RHEB: variants seen among roughly 807,000 people sequenced by gnomAD.
RHEB encodes the protein GTP-binding protein Rheb.
In RHEB, 2 loss-of-function variants were observed where a neutral mutation model predicts 28.8. That is an observed-to-expected ratio of 0.07 (90% CI 0.03 to 0.22). The LOEUF is 0.22. RHEB is among the 10% of genes least tolerant of loss of function. The pLI is 1.00. For synonymous variants in RHEB, 69 were observed against 77.3 expected (o/e 0.89, Z 0.56); for missense variants, 76 against 219.9 (o/e 0.35, Z 4.14).
chr7:151,497,968 C>G lies in RHEB; in HGVS notation c.53-6954G>C, dbSNP rs141433585. On this transcript the variant is annotated intron_variant, in intron 1 of 7. Coordinates refer to ENST00000262187, the MANE Select transcript of RHEB (RefSeq NM_005614.4). Reference sequence around the variant, plus strand: ...CATATTGATTAGGCTCCCCTTTGCTCTCAGTGTTACAGGGAACTCTTGCTG... The same window carrying G: ...CATATTGATTAGGCTCCCCTTTGCTGTCAGTGTTACAGGGAACTCTTGCTG... 1.3e-5 allele frequency: 6 copies of G among 449,484 alleles called. No individual in the cohort carries two copies. In the East Asian group the frequency reaches 4.3e-4, roughly 32 times the overall value. 27.8% of individuals were successfully genotyped at this position (449,484 alleles called of 1,614,324 possible).
At chr7:151,510,425 A>T (rs1802961432) in intron 1 of RHEB, among the ~76,000 whole-genome samples, 1 of 152,188 alleles carries the variant, frequency 6.6e-6, no homozygotes, top group South Asian at 2.1e-4. Context: ...TTATCTGCAA[A>T]ATAGGTGTAA....
intron 1 of RHEB, among the ~76,000 whole-genome samples, chr7:151,501,597 T>G (rs754109114): frequency 1.3e-5 from 2 of 152,196 alleles, no homozygotes; most frequent in Non-Finnish European, 2.9e-5. Flanking sequence ...TCCTAAGTAT[T>G]TATGGAAGAC....
intron 1 of RHEB, among the ~76,000 whole-genome samples, chr7:151,495,831 T>C (rs1247305209): frequency 3.3e-5 from 5 of 152,174 alleles, no homozygotes; most frequent in Non-Finnish European, 7.4e-5. Context: ...TGTGTGCATA[T>C]AGTCTCAGTT....
At chr7:151,504,017 A>G (rs1201354276) in intron 1 of RHEB, among the ~76,000 whole-genome samples, 1 of 151,230 alleles carries the variant, frequency 6.6e-6, no homozygotes, top group Non-Finnish European at 1.5e-5. Context: ...GGGTGAGCTA[A>G]TAGGAGGCAA....
rs1802172179 is a variant in RHEB at position 151,472,106 on chromosome 7, T to A, written c.276-501A>T. 1 of 152,808 alleles carries A rather than the reference T, an allele frequency of 6.5e-6. No individual in the cohort carries two copies. The highest frequency in any genetic ancestry group is 2.4e-5 in the African/African-American group (1 of 41,464). The allele number at this position is 152,808 out of a possible 1,614,324, so 9.5% of individuals were successfully genotyped here. A position where few individuals can be genotyped will look rare whatever the true frequency, so the allele number is the denominator to read the frequency against. ...GGGAAGGGGATCTGAGATGTCATAA[T>A]GATCACTTGAAATCTGCCACAGCAG... is the stretch of plus-strand genomic sequence containing the variant. On this transcript the variant is annotated intron_variant, in intron 4 of 7. Transcript: ENST00000262187. This position sits in a 1 kb window ranked among gnomAD's most constrained non-coding sequence, Gnocchi z 5.2.
chr7:151,499,193 C>T (rs1802727391), intron 1 of RHEB, among the ~76,000 whole-genome samples: 1 of 152,138 alleles, frequency 6.6e-6, no homozygotes, highest in Non-Finnish European at 1.5e-5. Context: ...CCAGTCTCTA[C>T]TAAAAATACA....
intron 1 of RHEB, among the ~76,000 whole-genome samples, chr7:151,512,160 C>T (rs1394035332): frequency 6.6e-6 from 1 of 152,202 alleles, no homozygotes; most frequent in East Asian, 1.9e-4. Context: ...CTCACTTGCA[C>T]AATCATGTGC....
Position 151,472,984 on chromosome 7 carries a change from C to T in RHEB, c.276-1379G>A, listed in dbSNP as rs751987853. Among the ~76,000 whole-genome samples, 3 of 152,234 alleles carry T rather than the reference C, an allele frequency of 2.0e-5. No homozygotes were observed. The highest frequency in any genetic ancestry group is 6.5e-5 in the Admixed American group (1 of 15,278). On this transcript the variant is annotated intron_variant, in intron 4 of 7. Coordinates refer to ENST00000262187, the MANE Select transcript of RHEB (RefSeq NM_005614.4). The surrounding 1 kb of genome is among the most constrained non-coding windows in gnomAD (Gnocchi z 5.2). Reference sequence around the variant, plus strand: ...AAGTGTCGCCACTTGGGCAAAAATACAGTACCCTGTCACGTGAGAAACAGC... The same window carrying T: ...AAGTGTCGCCACTTGGGCAAAAATATAGTACCCTGTCACGTGAGAAACAGC...
chr7:151,485,374 C>A (rs1391158527), intron 2 of RHEB, among the ~76,000 whole-genome samples: 2 of 152,142 alleles, frequency 1.3e-5, no homozygotes, highest in Non-Finnish European at 1.5e-5. Flanking sequence ...TTTTCCCTGA[C>A]AAGGGAGGAA....
At chr7:151,495,523 C>T (rs1488572460) in intron 1 of RHEB, among the ~76,000 whole-genome samples, 3 of 152,202 alleles carry the variant, frequency 2.0e-5, no homozygotes, top group African/African-American at 7.2e-5. Context: ...GGTATTTTCA[C>T]TACAGAAGGT....
chr7:151,511,735 C>A (rs4726032), intron 1 of RHEB, among the ~76,000 whole-genome samples: 1 of 152,094 alleles, frequency 6.6e-6, no homozygotes, highest in African/African-American at 2.4e-5. Flanking sequence ...GCAACCTCCC[C>A]CTTCGGGTTC....
rs1191390027 is a variant in RHEB at position 151,484,824 on chromosome 7, T to G, written c.125-20A>C. 13 of 1,566,430 alleles carry G rather than the reference T, an allele frequency of 8.3e-6. No individual in the cohort carries two copies. Among genetic ancestry groups the G allele is most frequent in the Non-Finnish European group, 1.1e-5 (13 of 1,138,252 alleles). On this transcript the variant is annotated intron_variant, in intron 2 of 7. Transcript: ENST00000262187. The stretch of plus-strand genomic sequence containing the variant: ...TAAAAGCTACAGGGAAAAAGGAAAT[T>G]AAACATTAGTTTAAAAAAATTAACT...
chr7:151,506,216 T>C (rs1802876882), intron 1 of RHEB, among the ~76,000 whole-genome samples: 1 of 151,436 alleles, frequency 6.6e-6, no homozygotes, highest in Admixed American at 6.6e-5. Context: ...AGACAGGGTC[T>C]CTATCTGTTG....
chr7:151,499,967 C>T (rs937886417), intron 1 of RHEB, among the ~76,000 whole-genome samples: 2 of 152,156 alleles, frequency 1.3e-5, no homozygotes, highest in Admixed American at 6.5e-5. Flanking sequence ...CCCCACCACA[C>T]CCAGTGAGTT....
In RHEB at chr7:151,484,725, G is replaced by A. The variant is rs757333034; in HGVS notation, c.192+12C>T. On this transcript the variant is annotated intron_variant, in intron 3 of 7. Coordinates refer to ENST00000262187, the MANE Select transcript of RHEB (RefSeq NM_005614.4). ...TGCTGTATAAGATTCTGAGATACCA[G>A]AGGTCACTTACTTGCCCGGCTGTGT... 4.4e-6 allele frequency: 7 copies of A among 1,583,338 alleles called. No homozygotes were observed. Among genetic ancestry groups the A allele is most frequent in the Non-Finnish European group, 5.2e-6 (6 of 1,151,956 alleles).
intron 4 of RHEB, among the ~76,000 whole-genome samples, chr7:151,474,190 T>A (rs1480817319): frequency 1.3e-5 from 2 of 152,160 alleles, no homozygotes; most frequent in African/African-American, 2.4e-5. Context: ...TTTTTTGTTT[T>A]TTTTTTGAGA....
At chr7:151,518,249 A>G (rs1803116760) in intron 1 of RHEB, among the ~76,000 whole-genome samples, 2 of 152,188 alleles carry the variant, frequency 1.3e-5, no homozygotes, top group African/African-American at 4.8e-5. Flanking sequence ...TAAAAGGATG[A>G]GTAAGCATGC....
intron 2 of RHEB, among the ~76,000 whole-genome samples, chr7:151,485,709 T>C (rs1039449054): frequency 6.6e-6 from 1 of 152,212 alleles, no homozygotes; most frequent in Non-Finnish European, 1.5e-5. Context: ...ATGGAAATTA[T>C]GTGAGAAAAC....
At chr7:151,507,955 G>C (rs529500870) in intron 1 of RHEB, among the ~76,000 whole-genome samples, 1 of 152,236 alleles carries the variant, frequency 6.6e-6, no homozygotes, top group Non-Finnish European at 1.5e-5. Flanking sequence ...CCATAAAACT[G>C]TTTCCCTGGA....
Sources: gnomAD v4.1 joint callset for allele counts (sites outside exome capture counted in the v4.1 genomes callset) on GRCh38, gnomAD v4.1.1 for gene constraint, Gnocchi (gnomAD v3.1) non-coding constraint, MANE v1.5 for transcripts, NCBI Gene and HGNC (gene_info 2026-07-23, HGNC 2026-07-21) for gene names.